Variants in WWOX observed in about 807,000 individuals in gnomAD.
The protein encoded by WWOX is WW domain-containing oxidoreductase.
A neutral mutation model predicts 46.2 loss-of-function variants in WWOX; 69 were observed. That is an observed-to-expected ratio of 1.49 (90% CI 1.23 to 1.82). The LOEUF (loss-of-function observed/expected upper bound fraction) is 1.82, where lower values mean the gene tolerates loss of function less well. Ranked by LOEUF, WWOX falls within the 40% of genes most tolerant of loss-of-function variation. The probability of loss-of-function intolerance (pLI) is 0.00; values close to 1 mark genes in which losing one functional copy is unlikely to be tolerated. For missense variants in WWOX, 919 were observed against 542.6 expected, an observed-to-expected ratio of 1.69 and a Z score of -6.89; for synonymous variants, 359 against 202.6, an observed-to-expected ratio of 1.77 and a Z score of -6.56.
chr16:79,069,731 G>C (rs1420771529), intron 8 of WWOX, among the ~76,000 whole-genome samples: 2 of 152,172 alleles, frequency 1.3e-5, no homozygotes, highest in African/African-American at 4.8e-5. Flanking sequence ...GGTCACCATA[G>C]ATGGCCAATG....
intron 8 of WWOX, among the ~76,000 whole-genome samples, chr16:79,051,637 T>C (rs2550683): frequency 6.6e-6 from 1 of 151,160 alleles, no homozygotes; most frequent in Non-Finnish European, 1.5e-5. Context: ...ATTTCTTTAG[T>C]GTTATCCTTT....
At position 78,445,309 on chromosome 16, in the gene WWOX, C is replaced by G. The variant is rs182888735; in HGVS notation, c.1056+12557C>G. Among the ~76,000 whole-genome samples the G allele has an allele frequency of 2.8e-3, 434 of 152,288 alleles. 1 individual carries two copies. The highest frequency in any genetic ancestry group is 4.7e-3 in the Non-Finnish European group (321 of 68,020). On this transcript the variant is annotated intron_variant, in intron 8 of 8. Transcript: ENST00000566780. The stretch of plus-strand genomic sequence containing the variant: ...TGTTCTAGAAGAAGGGCGCTCACCT[C>G]AGTAAATTGATGGGTGGGCCACAAA...
intron 8 of WWOX, among the ~76,000 whole-genome samples, chr16:78,854,845 G>A (rs1298417051): frequency 6.6e-6 from 1 of 151,558 alleles, no homozygotes; most frequent in Non-Finnish European, 1.5e-5. Flanking sequence ...GCCTCCCAAA[G>A]TGCTGGGATT....
chr16:79,070,616 G>C (rs1038779382), intron 8 of WWOX, among the ~76,000 whole-genome samples: 9 of 152,188 alleles, frequency 5.9e-5, no homozygotes, highest in African/African-American at 2.2e-4. Flanking sequence ...GCTGCTGCTA[G>C]GGAGGAAGGA....
chr16:78,955,701 A>G (rs990125915), intron 8 of WWOX, among the ~76,000 whole-genome samples: 1 of 151,186 alleles, frequency 6.6e-6, no homozygotes, highest in African/African-American at 2.4e-5. Flanking sequence ...CCCAGGCTGG[A>G]TGGAGTGCAG....
At chr16:78,841,991 G>T (rs1189585935) in intron 8 of WWOX, among the ~76,000 whole-genome samples, 1 of 152,190 alleles carries the variant, frequency 6.6e-6, no homozygotes, top group Non-Finnish European at 1.5e-5. Context: ...TGGAAGGGAA[G>T]GGGGATATAA....
chr16:78,964,994 C>A (rs1230600332), intron 8 of WWOX, among the ~76,000 whole-genome samples: 1 of 152,182 alleles, frequency 6.6e-6, no homozygotes, highest in Non-Finnish European at 1.5e-5. Context: ...GAACCTCTGC[C>A]TAGTTTTCAG....
intron 8 of WWOX, among the ~76,000 whole-genome samples, chr16:78,753,168 C>T (rs1326849837): frequency 6.6e-6 from 1 of 152,094 alleles, no homozygotes; most frequent in Non-Finnish European, 1.5e-5. Context: ...GGCGTGGGGG[C>T]AGGCGCCTGT....
At chr16:78,435,641 C>G (rs939484070) in intron 8 of WWOX, among the ~76,000 whole-genome samples, 42 of 152,114 alleles carry the variant, frequency 2.8e-4, no homozygotes, top group African/African-American at 9.7e-4. Context: ...GAGCATTTCC[C>G]TTGTAGTTGA....
Position 78,453,774 on chromosome 16 carries a change from T to C in WWOX, c.1056+21022T>C, listed in dbSNP as rs1309912070. Among the ~76,000 whole-genome samples, 8 of 152,236 alleles carry C rather than the reference T, an allele frequency of 5.3e-5. No homozygotes were observed. In the East Asian group the frequency reaches 1.5e-3, roughly 29 times the overall value. ...TCAATTAAATACTTAGATCCAGTTT[T>C]TAAACAGTGCGAAGATAGTTAAGCT... is the stretch of plus-strand genomic sequence containing the variant. On this transcript the variant is annotated intron_variant, in intron 8 of 8. Coordinates refer to ENST00000566780, the MANE Select transcript of WWOX (RefSeq NM_016373.4).
intron 8 of WWOX, among the ~76,000 whole-genome samples, chr16:78,970,371 T>G (rs1444789003): frequency 6.6e-6 from 1 of 152,192 alleles, no homozygotes; most frequent in Non-Finnish European, 1.5e-5. Flanking sequence ...ATAACATCAA[T>G]TAGCATAACC....
At chr16:79,182,393 A>G (rs994422506) in intron 8 of WWOX, among the ~76,000 whole-genome samples, 2 of 151,924 alleles carry the variant, frequency 1.3e-5, no homozygotes, top group Non-Finnish European at 2.9e-5. Context: ...CGATATTCAC[A>G]TCTATATTTT....
intron 5 of WWOX, among the ~76,000 whole-genome samples, chr16:78,224,424 A>G (rs1001301160): frequency 6.6e-6 from 1 of 152,036 alleles, no homozygotes; most frequent in African/African-American, 2.4e-5. Context: ...AAGCCAGCCA[A>G]AAAAAGAAAA....
Position 79,042,993 on chromosome 16 carries a change from G to A in WWOX, c.1057-168615G>A, listed in dbSNP as rs371340997. On this transcript the variant is annotated intron_variant, in intron 8 of 8. Transcript: ENST00000566780. ...TGACTGTCTGCTAAGATTCACTCTT[G>A]GTCTTGTCTTTGAGCTTTTCTGTTC... Among the ~76,000 whole-genome samples the A allele has an allele frequency of 3.3e-5, 5 of 152,136 alleles. No homozygotes were observed. The East Asian group carries it at 9.7e-4, about 29-fold the overall frequency.
chr16:78,665,684 T>C (rs951868089), intron 8 of WWOX, among the ~76,000 whole-genome samples: 2 of 152,034 alleles, frequency 1.3e-5, no homozygotes, highest in Non-Finnish European at 2.9e-5. Flanking sequence ...GAAACATTAA[T>C]TGTGCTTCTC....
intron 8 of WWOX, among the ~76,000 whole-genome samples, chr16:78,968,145 GCGCGTGGTC>G (rs1400821963): frequency 6.7e-6 from 1 of 149,828 alleles, no homozygotes; most frequent in African/African-American, 2.5e-5. Context: ...GTGTGGCACA[GCGCGTGGTC>G]CGCGTGGCAC....
intron 8 of WWOX, among the ~76,000 whole-genome samples, chr16:79,006,697 G>T (rs1419568344): frequency 2.0e-5 from 3 of 152,100 alleles, no homozygotes; most frequent in East Asian, 1.9e-4. Context: ...GTGGGGCTGG[G>T]CTTTTTCTGG....
intron 8 of WWOX, among the ~76,000 whole-genome samples, chr16:78,601,041 C>T (rs1158325855): frequency 6.6e-6 from 1 of 152,182 alleles, no homozygotes; most frequent in Non-Finnish European, 1.5e-5. Flanking sequence ...TCAGTTTCCA[C>T]ATAATACCTG....
At chr16:78,509,544 G>C (rs1310011625) in intron 8 of WWOX, among the ~76,000 whole-genome samples, 1 of 152,128 alleles carries the variant, frequency 6.6e-6, no homozygotes, top group Non-Finnish European at 1.5e-5. Context: ...ATCTACGTCT[G>C]TTGTGTCTAT....
Sources: gnomAD v4.1 joint callset for allele counts (sites outside exome capture counted in the v4.1 genomes callset) on GRCh38, gnomAD v4.1.1 for gene constraint, MANE v1.5 for transcripts, NCBI Gene and HGNC (gene_info 2026-07-23, HGNC 2026-07-21) for gene names.